Variants in RFWD3 observed in about 807,000 individuals in gnomAD.
RFWD3 encodes ring finger and WD repeat domain 3.
RFWD3 carries 65 observed loss-of-function variants against 87.7 expected under a neutral mutation model. The ratio of observed to expected loss-of-function variants is 0.74; its 90% confidence interval spans 0.61 to 0.91. The LOEUF (loss-of-function observed/expected upper bound fraction) is 0.91. RFWD3 is among the 40% of genes least tolerant of loss of function. The pLI is 0.00. For missense variants in RFWD3, 1,078 were observed against 938.5 expected (o/e 1.15, Z -1.94); for synonymous variants, 433 against 352.8 (o/e 1.23, Z -2.55).
At position 74,630,872 on chromosome 16, in the gene RFWD3, T is replaced by C; in HGVS notation, c.1663A>G (p.Ile555Val). ...CCWCLDEANY[I>V]YAGLANGSIL... ...GAACCATTGGCCAGTCCAGCATAGA[T>C]GTAGTTAGCCTCATCAAGACACCAG... Residue 555 changes from isoleucine to valine, a missense_variant, in exon 10 of 13, where the codon ATC becomes GTC. Physicochemically the swap from Ile to Val is conservative, Grantham distance 29 (BLOSUM62 3). Coordinates refer to ENST00000361070, the MANE Select transcript of RFWD3 (RefSeq NM_018124.4). The C allele has an allele frequency of 6.2e-7, 1 of 1,614,022 alleles. No individual in the cohort carries two copies. Among genetic ancestry groups the C allele is most frequent in the African/African-American group, 1.3e-5 (1 of 75,022 alleles).
rs776928078 is a variant in RFWD3 at position 74,632,519 on chromosome 16, T to A, written c.1577+4A>T. On this transcript the variant is annotated splice_donor_region_variant and intron_variant, in intron 9 of 12. Transcript: ENST00000361070. ...GTCTCCACCTACTTCCCCAAATCAC[T>A]CACCTGGTCAGTTTAATAGTGTTGT... 11 of 1,613,398 alleles carry A rather than the reference T, an allele frequency of 6.8e-6. No individual in the cohort carries two copies. The highest frequency in any genetic ancestry group is 9.3e-6 in the Non-Finnish European group (11 of 1,179,666).
chr16:74,625,472 C>T (rs1260464541), intron 12 of RFWD3, among the ~76,000 whole-genome samples: 5 of 151,796 alleles, frequency 3.3e-5, no homozygotes, highest in Non-Finnish European at 5.9e-5. Flanking sequence ...CGAGATTGCG[C>T]CTCTGCACTC....
chr16:74,648,916 C>T (rs1960370937), intron 4 of RFWD3, among the ~76,000 whole-genome samples: 1 of 151,850 alleles, frequency 6.6e-6, no homozygotes. Context: ...GAGACTCTGT[C>T]TACAAAAAAT....
chr16:74,666,165 T>TTAGATAGAC (rs1293984768), intron 1 of RFWD3: 18 of 149,650 alleles, frequency 1.2e-4, no homozygotes, highest in Non-Finnish European at 2.5e-4. Flanking sequence ...AAGACATAGA[T>TTAGATAGAC]AGATTAGATA....
rs749101844 is a variant in RFWD3, at chr16:74,661,218, CAG to C, written c.230_231del (p.Ser77CysfsTer2). 6.2e-7 allele frequency: 1 copy of C among 1,614,248 alleles called. No individual in the cohort carries two copies. The highest frequency in any genetic ancestry group is 2.2e-5 in the East Asian group (1 of 44,880). ...AAGACCTCCACTTCTGTCAGGTCAA[CAG>C]ACAGTTGCGGAGCAGGCTGGAGCAG... is the stretch of plus-strand genomic sequence containing the variant. ...PPLLQPAPQL[S>X]VDLTEVEVLG... On this transcript the variant is annotated frameshift_variant, in exon 2 of 13. Transcript: ENST00000361070. LOFTEE classifies it high-confidence loss of function.
chr16:74,661,105 A>G lies in RFWD3; in HGVS notation c.345T>C (p.Ser115=), dbSNP rs753896173. The G allele has an allele frequency of 6.2e-7, 1 of 1,614,212 alleles. No homozygotes were observed. Among genetic ancestry groups the G allele is most frequent in the Non-Finnish European group, 8.5e-7 (1 of 1,180,038 alleles). Residue 115 remains serine, a synonymous_variant, in exon 2 of 13, where the codon TCT becomes TCC. Transcript: ENST00000361070. ...GSDGNHTIPA[S]SLHSMTNFIS... ...TGAAGTTGGTCATTGAATGCAACGA[A>G]GATGCTGGGATGGTGTGATTACCAT...
chr16:74,623,631 A>G lies in RFWD3; in HGVS notation c.*297T>C, dbSNP rs1958830413. 4.0e-6 allele frequency: 1 copy of G among 253,060 alleles called. No individual in the cohort carries two copies. The highest frequency in any genetic ancestry group is 2.3e-5 in the African/African-American group (1 of 44,332). The allele number at this position is 253,060 out of a possible 1,614,324, so 15.7% of individuals were successfully genotyped here. ...CACTCTCTAAGGTCCAGAAAGTCAC[A>G]CAGAAAATAAAGAAAATAAGAATTT... On this transcript the variant is annotated 3_prime_UTR_variant, in exon 13 of 13. Transcript: ENST00000361070.
At chr16:74,659,860 TACC>T in intron 2 of RFWD3, among the ~76,000 whole-genome samples, 1 of 152,196 alleles carries the variant, frequency 6.6e-6, no homozygotes, top group Non-Finnish European at 1.5e-5. Flanking sequence ...ATGACCTAGC[TACC>T]ACTTTTTAGT....
chr16:74,621,652 T>C lies in RFWD3; in HGVS notation c.*2276A>G, dbSNP rs1387839159. The C allele has an allele frequency of 3.3e-5, 5 of 151,668 alleles. No homozygotes were observed. The highest frequency in any genetic ancestry group is 2.6e-4 in the Admixed American group (4 of 15,210). 9.4% of individuals were successfully genotyped at this position (151,668 alleles called of 1,614,324 possible). A position where few individuals can be genotyped will look rare whatever the true frequency, so the allele number is the denominator to read the frequency against. ...CTAAAGCCTGGATTTATAAATGTGA[T>C]GTCCTACAACGGGGACTGGGAATGG... On this transcript the variant is annotated 3_prime_UTR_variant, in exon 13 of 13. Transcript: ENST00000361070.
chr16:74,644,131 A>T, intron 6 of RFWD3: 1 of 578,292 alleles, frequency 1.7e-6, no homozygotes, highest in Non-Finnish European at 3.1e-6. Flanking sequence ...GTAATGTGCC[A>T]GATCCTTGTG....
chr16:74,653,187 A>C (rs1181794944), intron 2 of RFWD3, among the ~76,000 whole-genome samples: 1 of 151,948 alleles, frequency 6.6e-6, no homozygotes, highest in Non-Finnish European at 1.5e-5. Context: ...AAAAATACAC[A>C]ATATAGCCAG....
At chr16:74,645,652 C>T (rs1358935354) in intron 4 of RFWD3, among the ~76,000 whole-genome samples, 1 of 151,578 alleles carries the variant, frequency 6.6e-6, no homozygotes, top group Non-Finnish European at 1.5e-5. Flanking sequence ...TGCGCCCAGC[C>T]TGGTATTATC....
At chr16:74,633,742 G>C (rs1959168929) in intron 8 of RFWD3, among the ~76,000 whole-genome samples, 2 of 152,268 alleles carry the variant, frequency 1.3e-5, no homozygotes, top group East Asian at 3.9e-4. Context: ...TTGAGATCAT[G>C]AGTTCGAGAC....
chr16:74,664,995 C>T (rs1482702980), intron 1 of RFWD3, among the ~76,000 whole-genome samples: 1 of 152,180 alleles, frequency 6.6e-6, no homozygotes, highest in East Asian at 1.9e-4. Context: ...TTGAGGATGT[C>T]ACACAAACGC....
rs1004667919 is a variant in RFWD3 at position 74,661,386 on chromosome 16, C to G, written c.64G>C (p.Ala22Pro). 1.2e-6 allele frequency: 2 copies of G among 1,613,998 alleles called. No individual in the cohort carries two copies. Among genetic ancestry groups the G allele is most frequent in the Admixed American group, 1.7e-5 (1 of 60,010 alleles). ...VQLNHAEQQP[A>P]PAGMASSQGG... ...TGGCTGCTGGCCATGCCAGCAGGAG[C>G]TGGCTGTTGTTCGGCATGATTTAAC... The change falls in exon 2 of 13, where the codon GCT (alanine) becomes CCT (proline). Residue 22 changes from alanine to proline, a missense_variant. Physicochemically the swap from Ala to Pro is conservative, Grantham distance 27 (BLOSUM62 -1). Coordinates refer to ENST00000361070, the MANE Select transcript of RFWD3 (RefSeq NM_018124.4).
At chr16:74,648,536 G>A (rs1345009302) in intron 4 of RFWD3, among the ~76,000 whole-genome samples, 1 of 151,300 alleles carries the variant, frequency 6.6e-6, no homozygotes, top group African/African-American at 2.4e-5. Flanking sequence ...ACTTTGGGAG[G>A]CCGAGGTGGG....
At position 74,658,698 on chromosome 16, in the gene RFWD3, C is replaced by G. The variant is rs146451559; in HGVS notation, c.518+2234G>C. On this transcript the variant is annotated intron_variant, in intron 2 of 12. Transcript: ENST00000361070. ...CTTTGTGGAGACAGATTATGGCTGC[C>G]AAATAGCTTGACTGACATCTTTCAA... is the stretch of plus-strand genomic sequence containing the variant. 7.2e-5 allele frequency among the ~76,000 whole-genome samples: 11 copies of G among 152,138 alleles called. No homozygotes were observed. In the East Asian group the frequency reaches 2.1e-3, roughly 29 times the overall value.
chr16:74,637,876 T>C lies in RFWD3; in HGVS notation c.1174A>G (p.Arg392Gly), dbSNP rs145385731. The C allele has an allele frequency of 6.2e-7, 1 of 1,612,670 alleles. No individual in the cohort carries two copies. The highest frequency in any genetic ancestry group is 1.1e-5 in the South Asian group (1 of 90,958). ...CGTACCTGAACACGCCTTTGAAGCC[T>C]AGTGCACTTATCAGTGAGGACCTGC... is the stretch of plus-strand genomic sequence containing the variant. ...QLQVLTDKCT[R>G]LQRRVQDLQK... Residue 392 changes from arginine to glycine, a missense_variant, in exon 7 of 13, where the codon AGG (arginine) becomes GGG (glycine). Coordinates refer to ENST00000361070, the MANE Select transcript of RFWD3 (RefSeq NM_018124.4).
chr16:74,640,566 T>G (rs953585227), intron 6 of RFWD3, among the ~76,000 whole-genome samples: 3 of 151,626 alleles, frequency 2.0e-5, no homozygotes, highest in African/African-American at 7.3e-5. Flanking sequence ...GATGCTGAGG[T>G]TGGAGGACTG....
Sources: gnomAD v4.1 joint callset for allele counts (sites outside exome capture counted in the v4.1 genomes callset) on GRCh38, gnomAD v4.1.1 for gene constraint, MANE v1.5 for transcripts, NCBI Gene and HGNC (gene_info 2026-07-23, HGNC 2026-07-21) for gene names.